PDE8B: variants seen among roughly 807,000 people sequenced by gnomAD.
PDE8B encodes high affinity cAMP-specific and IBMX-insensitive 3',5'-cyclic phosphodiesterase 8B.
Under a neutral mutation model 101.3 loss-of-function variants are expected in PDE8B, and 26 were observed. The observed-to-expected ratio is 0.26, with a 90% CI of 0.19 to 0.36. The LOEUF (loss-of-function observed/expected upper bound fraction) is 0.36. Ranked by LOEUF, PDE8B falls within the 10% of genes least tolerant of loss-of-function variation. The probability of loss-of-function intolerance (pLI) is 1.00; values close to 1 mark genes in which losing one functional copy is unlikely to be tolerated. For synonymous variants in PDE8B, 424 were observed against 429.3 expected (o/e 0.99, Z 0.15); for missense variants, 810 against 1,163.1 (o/e 0.70, Z 4.42).
intron 6 of PDE8B, among the ~76,000 whole-genome samples, chr5:77,338,224 T>G (rs757984745): frequency 2.0e-5 from 3 of 152,218 alleles, no homozygotes; most frequent in Non-Finnish European, 2.9e-5. Context: ...ATTATATGCC[T>G]TATCTTGATT....
At chr5:77,408,604 A>G (rs1302876262) in intron 13 of PDE8B, among the ~76,000 whole-genome samples, 1 of 152,088 alleles carries the variant, frequency 6.6e-6, no homozygotes, top group Non-Finnish European at 1.5e-5. Flanking sequence ...AGAGTGAGAG[A>G]GGGGCCCAGA....
At chr5:77,153,525 TTTCTGC>T in the PDE8B span, among the ~76,000 whole-genome samples, 1 of 152,014 alleles carries the variant, frequency 6.6e-6, no homozygotes, top group East Asian at 1.9e-4. Context: ...CTTATTTACT[TTTCTGC>T]TTCTGGCTTT....
chr5:77,227,964 T>C (rs1189980315), intron 1 of PDE8B, among the ~76,000 whole-genome samples: 1 of 152,164 alleles, frequency 6.6e-6, no homozygotes, highest in African/African-American at 2.4e-5. Flanking sequence ...CACCCACATT[T>C]ATTATTAGTT....
At chr5:77,369,866 G>C (rs983838921) in intron 10 of PDE8B, among the ~76,000 whole-genome samples, 3 of 152,164 alleles carry the variant, frequency 2.0e-5, no homozygotes, top group Non-Finnish European at 2.9e-5. Flanking sequence ...GACACCCAGA[G>C]CTCACCCTCA....
intron 1 of PDE8B, among the ~76,000 whole-genome samples, chr5:77,303,641 C>T (rs1770496414): frequency 6.6e-6 from 1 of 152,116 alleles, no homozygotes; most frequent in Non-Finnish European, 1.5e-5. Context: ...GCACTTCTCT[C>T]CCTGAATTCA....
the PDE8B span, among the ~76,000 whole-genome samples, chr5:77,128,267 T>C: frequency 6.6e-6 from 1 of 152,156 alleles, no homozygotes; most frequent in African/African-American, 2.4e-5. Context: ...CAAGCTGTGA[T>C]GGGAATGATG....
chr5:77,218,708 C>CTT, intron 1 of PDE8B, among the ~76,000 whole-genome samples: 1 of 152,294 alleles, frequency 6.6e-6, no homozygotes, highest in East Asian at 1.9e-4. Flanking sequence ...ATGTGACAAG[C>CTT]TCTGGTACAA....
chr5:77,334,612 G>A (rs1432596226), intron 5 of PDE8B, among the ~76,000 whole-genome samples: 1 of 152,088 alleles, frequency 6.6e-6, no homozygotes, highest in East Asian at 1.9e-4. Context: ...TTATTGTCAG[G>A]CCCAGTTCCC....
At chr5:77,111,703 A>G in the PDE8B span, among the ~76,000 whole-genome samples, 1 of 152,214 alleles carries the variant, frequency 6.6e-6, no homozygotes, top group Non-Finnish European at 1.5e-5. Context: ...TGATGATTGG[A>G]GTCCCAATTT....
chr5:77,169,944 A>G, the PDE8B span, among the ~76,000 whole-genome samples: 3 of 152,158 alleles, frequency 2.0e-5, no homozygotes, highest in Non-Finnish European at 4.4e-5. Flanking sequence ...GACTTGAAAC[A>G]CGGCTCTATC....
chr5:77,285,225 C>T (rs1267065796), intron 1 of PDE8B, among the ~76,000 whole-genome samples: 1 of 152,128 alleles, frequency 6.6e-6, no homozygotes, highest in Non-Finnish European at 1.5e-5. Context: ...TTAGTTTTTA[C>T]AGTATTTTAT....
chr5:77,119,656 C>CAA, the PDE8B span: 2,204 of 59,904 alleles, frequency 0.037, 141 homozygotes, highest in African/African-American at 0.12. Flanking sequence ...GACTCTGTCT[C>CAA]AAAAAAAAAA....
At chr5:77,378,047 C>A (rs989807382) in intron 10 of PDE8B, among the ~76,000 whole-genome samples, 6 of 97,076 alleles carry the variant, frequency 6.2e-5, no homozygotes, top group Admixed American at 4.0e-4. Context: ...CACACACACA[C>A]ACCCCCTGTT....
At chr5:77,318,313 A>G (rs1321585788) in intron 2 of PDE8B, among the ~76,000 whole-genome samples, 5 of 152,086 alleles carry the variant, frequency 3.3e-5, no homozygotes, top group Non-Finnish European at 7.4e-5. Context: ...TGTGTCTTCT[A>G]CCTCGTCCAG....
chr5:77,357,332 C>T (rs1162467300), intron 10 of PDE8B, among the ~76,000 whole-genome samples: 3 of 152,162 alleles, frequency 2.0e-5, no homozygotes, highest in Non-Finnish European at 2.9e-5. Context: ...TCAAAGAGAC[C>T]ACACATGCTT....
At chr5:77,224,099 A>C (rs1025296876) in intron 1 of PDE8B, among the ~76,000 whole-genome samples, 4 of 152,154 alleles carry the variant, frequency 2.6e-5, no homozygotes, top group South Asian at 4.1e-4. Flanking sequence ...ATGTCAGAGA[A>C]CTATGCTGTA....
chr5:77,220,680 T>C (rs1325371980), intron 1 of PDE8B, among the ~76,000 whole-genome samples: 2 of 152,220 alleles, frequency 1.3e-5, no homozygotes, highest in African/African-American at 4.8e-5. Context: ...GTTGAAACAA[T>C]ATTGCTGTGA....
intron 1 of PDE8B, among the ~76,000 whole-genome samples, chr5:77,264,510 A>G (rs1297612244): frequency 6.6e-6 from 1 of 152,156 alleles, no homozygotes; most frequent in Non-Finnish European, 1.5e-5. Context: ...CATGGCATGA[A>G]CCAGTAATCA....
intron 6 of PDE8B, among the ~76,000 whole-genome samples, chr5:77,341,033 G>C (rs1174195404): frequency 6.6e-6 from 1 of 152,034 alleles, no homozygotes; most frequent in Non-Finnish European, 1.5e-5. Context: ...AAAACATAAA[G>C]ATACCTGAGA....
Sources: allele counts gnomAD v4.1 joint callset (sites outside exome capture counted in the v4.1 genomes callset), GRCh38; gene constraint gnomAD v4.1.1; transcripts MANE v1.5; gene names NCBI Gene and HGNC (gene_info 2026-07-23, HGNC 2026-07-21).